Variants in ZZZ3 observed in about 807,000 individuals in gnomAD.
ZZZ3 encodes the protein ZZ-type zinc finger-containing protein 3.
Under a neutral mutation model 95.2 loss-of-function variants are expected in ZZZ3, and 22 were observed. That is an observed-to-expected ratio of 0.23 (90% CI 0.17 to 0.33). The LOEUF (loss-of-function observed/expected upper bound fraction) is 0.33, where lower values mean the gene tolerates loss of function less well. ZZZ3 is among the 10% of genes least tolerant of loss of function. The pLI is 1.00. For synonymous variants in ZZZ3, 335 were observed against 358.9 expected (o/e 0.93, Z 0.75); for missense variants, 885 against 1,066.5 (o/e 0.83, Z 2.37).
At chr1:77,627,865 T>C (rs1367742422) in intron 5 of ZZZ3, among the ~76,000 whole-genome samples, 1 of 152,204 alleles carries the variant, frequency 6.6e-6, no homozygotes, top group Non-Finnish European at 1.5e-5. Context: ...TGAAATGTTA[T>C]AATACCAAAG....
chr1:77,676,232 T>C (rs1285463322), intron 1 of ZZZ3, among the ~76,000 whole-genome samples: 1 of 152,216 alleles, frequency 6.6e-6, no homozygotes, highest in African/African-American at 2.4e-5. Context: ...AGGGGCGCAA[T>C]CTGGGCTCAT....
Position 77,627,889 on chromosome 1 carries a change from G to A in ZZZ3, c.1505+3961C>T, listed in dbSNP as rs542266880. On this transcript the variant is annotated intron_variant, in intron 5 of 14. Transcript: ENST00000370801. ...ATAATACCAAAGATCCTTAAATGAA[G>A]ATACCCAAGGTCTTTCAAACACAAA... Among the ~76,000 whole-genome samples the A allele has an allele frequency of 7.9e-5, 12 of 152,228 alleles. No individual in the cohort carries two copies. The South Asian group carries it at 2.5e-3, about 32-fold the overall frequency.
chr1:77,668,240 C>T (rs1403955849), intron 1 of ZZZ3, among the ~76,000 whole-genome samples: 2 of 152,150 alleles, frequency 1.3e-5, no homozygotes, highest in African/African-American at 2.4e-5. Context: ...TATCTGTGGT[C>T]ATTACCAGTT....
Position 77,576,114 on chromosome 1 carries a change from C to A in ZZZ3, c.2285G>T (p.Arg762Leu), listed in dbSNP as rs138802564. The change falls in exon 12 of 15, where the codon CGA becomes CTA. Residue 762 changes from arginine (R) to leucine (L), a missense_variant. Physicochemically the swap from Arg to Leu is moderately radical, Grantham distance 102. This residue lies in a region of ZZZ3 where 221 missense variants were observed against 247.8 expected (regional missense o/e 0.89). Transcript: ENST00000370801. Reference sequence around the variant, plus strand: ...GTTCATGTGGCTATGAAAACAAGATCGGTCATCATCTTCATCCATATACAC... The same window carrying A: ...GTTCATGTGGCTATGAAAACAAGATAGGTCATCATCTTCATCCATATACAC... ...PPVYMDEDDD[R>L]SCFHSHMNTA... 1 of 1,612,394 alleles carries A rather than the reference C, an allele frequency of 6.2e-7. No individual in the cohort carries two copies. The highest frequency in any genetic ancestry group is 2.2e-5 in the East Asian group (1 of 44,788).
intron 5 of ZZZ3, among the ~76,000 whole-genome samples, chr1:77,593,309 G>A (rs1038356307): frequency 2.0e-5 from 3 of 152,146 alleles, no homozygotes; most frequent in African/African-American, 7.2e-5. Context: ...TAAGACATAT[G>A]TTCATAGCAG....
chr1:77,674,810 C>T (rs278862), intron 1 of ZZZ3, among the ~76,000 whole-genome samples: 37,289 of 151,466 alleles, frequency 0.25, 4,732 homozygotes, highest in South Asian at 0.37. Context: ...AAATGAGCTG[C>T]ACATAGTGGC....
intron 1 of ZZZ3, among the ~76,000 whole-genome samples, chr1:77,651,024 C>A (rs1669756688): frequency 6.6e-6 from 1 of 152,074 alleles, no homozygotes; most frequent in African/African-American, 2.4e-5. Context: ...ACATTGAACC[C>A]CTACCTCACA....
At chr1:77,572,653 T>C (rs1474972544) in intron 12 of ZZZ3, among the ~76,000 whole-genome samples, 1 of 151,934 alleles carries the variant, frequency 6.6e-6, no homozygotes, top group East Asian at 1.9e-4. Flanking sequence ...GTTTGTTTTT[T>C]TAAGACAGAG....
intron 1 of ZZZ3, among the ~76,000 whole-genome samples, chr1:77,674,751 A>G (rs1399328538): frequency 6.6e-6 from 1 of 152,066 alleles, no homozygotes. Context: ...CAGGAGTTCA[A>G]AACCAGTCTC....
At chr1:77,670,497 G>C (rs1254741487) in intron 1 of ZZZ3, among the ~76,000 whole-genome samples, 2 of 152,076 alleles carry the variant, frequency 1.3e-5, no homozygotes, top group East Asian at 3.9e-4. Context: ...GACCTCAGAT[G>C]ATCCGCCCAC....
intron 3 of ZZZ3, among the ~76,000 whole-genome samples, chr1:77,640,143 T>A (rs1219786241): frequency 6.6e-6 from 1 of 152,198 alleles, no homozygotes; most frequent in Non-Finnish European, 1.5e-5. Context: ...AGGACATTTC[T>A]ATTATTTTTG....
chr1:77,640,138 A>G (rs1290469282), intron 3 of ZZZ3, among the ~76,000 whole-genome samples: 1 of 152,130 alleles, frequency 6.6e-6, no homozygotes, highest in Non-Finnish European at 1.5e-5. Context: ...ACAAAAGGAC[A>G]TTTCTATTAT....
chr1:77,644,723 T>C (rs938983702), intron 1 of ZZZ3, among the ~76,000 whole-genome samples: 1 of 152,228 alleles, frequency 6.6e-6, no homozygotes, highest in South Asian at 2.1e-4. Context: ...AGAGATCACA[T>C]CTGTGAAGTA....
At chr1:77,601,726 G>A (rs949028536) in intron 5 of ZZZ3, among the ~76,000 whole-genome samples, 1 of 152,094 alleles carries the variant, frequency 6.6e-6, no homozygotes, top group Non-Finnish European at 1.5e-5. Context: ...TGAAAATTTA[G>A]TACTTATAAG....
intron 5 of ZZZ3, among the ~76,000 whole-genome samples, chr1:77,627,641 T>C (rs1667449381): frequency 6.6e-6 from 1 of 152,202 alleles, no homozygotes; most frequent in Non-Finnish European, 1.5e-5. Context: ...ACACAATTCT[T>C]AGAAACTCTT....
chr1:77,631,546 T>G (rs1447754408), intron 5 of ZZZ3, among the ~76,000 whole-genome samples: 1 of 152,160 alleles, frequency 6.6e-6, no homozygotes, highest in Non-Finnish European at 1.5e-5. Context: ...GTGTTTCCAT[T>G]GTATAAATTA....
intron 1 of ZZZ3, among the ~76,000 whole-genome samples, chr1:77,642,659 G>A (rs773741997): frequency 2.6e-5 from 4 of 152,132 alleles, no homozygotes; most frequent in Non-Finnish European, 5.9e-5. Context: ...TGGTTGAGGT[G>A]GGAGGATCAT....
intron 5 of ZZZ3, among the ~76,000 whole-genome samples, chr1:77,619,489 A>G: frequency 6.6e-6 from 1 of 152,206 alleles, no homozygotes; most frequent in East Asian, 1.9e-4. Flanking sequence ...TCAATTCAGT[A>G]AAGACAACCA....
chr1:77,633,942 C>T (rs192877989), intron 4 of ZZZ3, among the ~76,000 whole-genome samples: 1 of 151,996 alleles, frequency 6.6e-6, no homozygotes, highest in Non-Finnish European at 1.5e-5. Context: ...GAGGCTGAGG[C>T]GGGAGGATCA....
Sources: allele counts gnomAD v4.1 joint callset (sites outside exome capture counted in the v4.1 genomes callset), GRCh38; gene constraint gnomAD v4.1.1; regional missense constraint gnomAD v4.1.1; transcripts MANE v1.5; gene names NCBI Gene and HGNC (gene_info 2026-07-23, HGNC 2026-07-21).